Variants in GSK3B observed in about 807,000 individuals in gnomAD.
GSK3B encodes glycogen synthase kinase 3 beta.
In GSK3B, 15 loss-of-function variants were observed where a neutral mutation model predicts 56.4. The observed-to-expected ratio is 0.27, with a 90% CI of 0.18 to 0.41. GSK3B has a LOEUF of 0.41. Ranked by LOEUF, GSK3B falls within the 10% of genes least tolerant of loss-of-function variation. GSK3B has a pLI of 1.00. For synonymous variants in GSK3B, 181 were observed against 188.9 expected (o/e 0.96, Z 0.34); for missense variants, 300 against 513.4 (o/e 0.58, Z 4.02).
At chr3:119,933,301 C>T (rs1471438734) in intron 3 of GSK3B, among the ~76,000 whole-genome samples, 1 of 152,092 alleles carries the variant, frequency 6.6e-6, no homozygotes, top group Admixed American at 6.6e-5. Flanking sequence ...ATATGAACTA[C>T]AACAATTCTT....
At chr3:119,942,904 T>A (rs2057063807) in intron 3 of GSK3B, among the ~76,000 whole-genome samples, 1 of 152,214 alleles carries the variant, frequency 6.6e-6, no homozygotes, top group African/African-American at 2.4e-5. Context: ...TACTCTAAAC[T>A]AAATCATAGT....
chr3:119,889,718 GTAAA>G (rs2056480622), intron 7 of GSK3B, among the ~76,000 whole-genome samples: 1 of 152,060 alleles, frequency 6.6e-6, no homozygotes, highest in South Asian at 2.1e-4. Context: ...TACACTGAAT[GTAAA>G]TAGTCTAAGT....
At chr3:120,054,141 A>G (rs1372763199) in intron 1 of GSK3B, among the ~76,000 whole-genome samples, 1 of 152,234 alleles carries the variant, frequency 6.6e-6, no homozygotes, top group African/African-American at 2.4e-5. Context: ...CAATTTTTAC[A>G]AAAAGAGCAA....
intron 1 of GSK3B, among the ~76,000 whole-genome samples, chr3:120,018,303 G>C (rs557163358): frequency 2.6e-5 from 4 of 152,186 alleles, no homozygotes; most frequent in Non-Finnish European, 5.9e-5. Flanking sequence ...TAAAAGTACA[G>C]TATTCACAGG....
intron 1 of GSK3B, among the ~76,000 whole-genome samples, chr3:120,091,436 T>C (rs2058511390): frequency 1.3e-5 from 2 of 152,170 alleles, no homozygotes; most frequent in South Asian, 4.1e-4. Context: ...AGTTACTCCA[T>C]CCTTAGTTAG....
chr3:119,990,327 C>G (rs776528802), intron 2 of GSK3B, among the ~76,000 whole-genome samples: 6 of 152,168 alleles, frequency 3.9e-5, no homozygotes, highest in Non-Finnish European at 7.3e-5. Flanking sequence ...GATAAGCCCC[C>G]TCACCCTAAA....
intron 1 of GSK3B, among the ~76,000 whole-genome samples, chr3:120,005,825 C>A (rs1373119147): frequency 6.6e-6 from 1 of 152,058 alleles, no homozygotes; most frequent in East Asian, 1.9e-4. Flanking sequence ...CAAAAACATG[C>A]CAAATTATAA....
intron 7 of GSK3B, among the ~76,000 whole-genome samples, chr3:119,881,116 C>T (rs1012357414): frequency 6.6e-6 from 1 of 152,104 alleles, no homozygotes; most frequent in African/African-American, 2.4e-5. Flanking sequence ...CATACAATAG[C>T]ATACTAACTA....
At chr3:119,832,920 C>A (rs2055627126) in intron 10 of GSK3B, 1 of 909,854 alleles carries the variant, frequency 1.1e-6, no homozygotes. Context: ...ATCATAATTT[C>A]TTTTTATAGG....
At chr3:120,056,099 C>T (rs1457373037) in intron 1 of GSK3B, among the ~76,000 whole-genome samples, 8 of 152,088 alleles carry the variant, frequency 5.3e-5, no homozygotes, top group Non-Finnish European at 1.2e-4. Flanking sequence ...TATACAGAAT[C>T]CAGGTATCTT....
intron 1 of GSK3B, among the ~76,000 whole-genome samples, chr3:120,068,507 C>T (rs1367323934): frequency 6.6e-6 from 1 of 151,838 alleles, no homozygotes; most frequent in Non-Finnish European, 1.5e-5. Context: ...TCAAGACCCG[C>T]CTGGGCAACA....
chr3:119,898,849 A>T (rs1286817401), intron 7 of GSK3B, among the ~76,000 whole-genome samples: 1 of 145,392 alleles, frequency 6.9e-6, no homozygotes, highest in Non-Finnish European at 1.5e-5. Flanking sequence ...ATTAAAAGCA[A>T]CAACAATTAA....
Position 119,823,352 on chromosome 3 carries a change from A to G in GSK3B, c.*3436T>C, listed in dbSNP as rs1396585436. 1 of 203,702 alleles carries G rather than the reference A, an allele frequency of 4.9e-6. No individual in the cohort carries two copies. Among genetic ancestry groups the G allele is most frequent in the African/African-American group, 2.3e-5 (1 of 43,744 alleles). The allele number at this position is 203,702 out of a possible 1,614,324, so 12.6% of individuals were successfully genotyped here. ...GGCTAAGAGTTCCCTTGTTAAAACAACAGTCCTCTATTGGCACGGTGGCAC... is the reference window on the plus strand; with the variant it reads ...GGCTAAGAGTTCCCTTGTTAAAACAGCAGTCCTCTATTGGCACGGTGGCAC... On this transcript the variant is annotated 3_prime_UTR_variant, in exon 11 of 11. Transcript: ENST00000264235.
intron 2 of GSK3B, among the ~76,000 whole-genome samples, chr3:119,998,987 T>G (rs1164706582): frequency 1.3e-5 from 2 of 152,196 alleles, no homozygotes; most frequent in Admixed American, 1.3e-4. Context: ...CTCTCCTATA[T>G]CAAGGTTTAA....
At chr3:119,991,339 T>TG (rs1409942141) in intron 2 of GSK3B, among the ~76,000 whole-genome samples, 1 of 152,098 alleles carries the variant, frequency 6.6e-6, no homozygotes, top group Non-Finnish European at 1.5e-5. Flanking sequence ...CACAGTATGA[T>TG]GGACAACAGT....
chr3:119,845,859 A>T (rs1276061838), intron 9 of GSK3B, among the ~76,000 whole-genome samples: 3 of 152,222 alleles, frequency 2.0e-5, no homozygotes, highest in Non-Finnish European at 4.4e-5. Flanking sequence ...TAGCCAAGAC[A>T]ATCCTAAGCA....
At chr3:119,950,258 C>T (rs1056331893) in intron 2 of GSK3B, among the ~76,000 whole-genome samples, 1 of 152,200 alleles carries the variant, frequency 6.6e-6, no homozygotes, top group Non-Finnish European at 1.5e-5. Flanking sequence ...TATGTTTACT[C>T]TTCTGTTCCT....
intron 9 of GSK3B, among the ~76,000 whole-genome samples, chr3:119,859,418 T>G (rs1277407911): frequency 6.6e-6 from 1 of 152,206 alleles, no homozygotes; most frequent in African/African-American, 2.4e-5. Context: ...TAAAAATCAT[T>G]GTTACAAATA....
At chr3:120,073,219 T>TAAA (rs972347264) in intron 1 of GSK3B, among the ~76,000 whole-genome samples, 31 of 70,614 alleles carry the variant, frequency 4.4e-4, no homozygotes, top group African/African-American at 1.0e-3. Flanking sequence ...CAAAAAAAAT[T>TAAA]AAAAAAAAAA....
Sources: gnomAD v4.1 joint callset for allele counts (sites outside exome capture counted in the v4.1 genomes callset) on GRCh38, gnomAD v4.1.1 for gene constraint, MANE v1.5 for transcripts, NCBI Gene and HGNC (gene_info 2026-07-23, HGNC 2026-07-21) for gene names.